Variants in UBE2H observed in about 807,000 individuals in gnomAD.
The protein encoded by UBE2H is ubiquitin-conjugating enzyme E2 H.
UBE2H carries 3 observed loss-of-function variants against 29.0 expected under a neutral mutation model. The observed-to-expected ratio is 0.10, with a 90% CI of 0.05 to 0.27. UBE2H has a LOEUF of 0.27. Ranked by LOEUF, UBE2H falls within the 10% of genes least tolerant of loss-of-function variation. The probability of loss-of-function intolerance (pLI) is 1.00; values close to 1 mark genes in which losing one functional copy is unlikely to be tolerated. For missense variants in UBE2H, 68 were observed against 228.2 expected (o/e 0.30, Z 4.52); for synonymous variants, 69 against 82.9 (o/e 0.83, Z 0.91).
intron 1 of UBE2H, among the ~76,000 whole-genome samples, chr7:129,921,472 C>T (rs916388818): frequency 1.3e-5 from 2 of 151,864 alleles, no homozygotes; most frequent in African/African-American, 2.4e-5. Context: ...CCGAGGCGGG[C>T]GGATGACTTG....
At chr7:129,893,883 GCACAGTAGTT>G (rs2116404947) in intron 1 of UBE2H, among the ~76,000 whole-genome samples, 1 of 152,228 alleles carries the variant, frequency 6.6e-6, no homozygotes, top group Non-Finnish European at 1.5e-5. Flanking sequence ...TTTGGGCCTG[GCACAGTAGTT>G]CACACCTGTA....
chr7:129,912,148 T>C (rs1806950408), intron 1 of UBE2H, among the ~76,000 whole-genome samples: 1 of 152,230 alleles, frequency 6.6e-6, no homozygotes, highest in Non-Finnish European at 1.5e-5. Flanking sequence ...AAAGTTTTAC[T>C]GGAACACGCC....
In UBE2H at chr7:129,830,759, A is replaced by T. The variant is rs539982910; in HGVS notation, c.*4178T>A. ...TGCCAAGGTATATACACGTTTATTT[A>T]AAAAAGTTTACAGTTTTCATTATAC... On this transcript the variant is annotated 3_prime_UTR_variant, in exon 7 of 7. Coordinates refer to ENST00000355621, the MANE Select transcript of UBE2H (RefSeq NM_003344.4). 6 of 151,098 alleles carry T rather than the reference A, an allele frequency of 4.0e-5. No individual in the cohort carries two copies. The highest frequency in any genetic ancestry group is 3.9e-4 in the East Asian group (2 of 5,152). 9.4% of individuals were successfully genotyped at this position (151,098 alleles called of 1,614,324 possible).
intron 4 of UBE2H, among the ~76,000 whole-genome samples, chr7:129,857,764 G>GT (rs2116316366): frequency 6.6e-6 from 1 of 152,310 alleles, no homozygotes; most frequent in Non-Finnish European, 1.5e-5. Flanking sequence ...GGGGAAAATA[G>GT]TAACTATGCA....
chr7:129,934,638 T>TAAAAAA (rs758214225), intron 1 of UBE2H, among the ~76,000 whole-genome samples: 1 of 65,850 alleles, frequency 1.5e-5, no homozygotes. Context: ...ACTCCGTCTT[T>TAAAAAA]AAAAAAAAAA....
At chr7:129,952,188 T>G (rs1382012055) in intron 1 of UBE2H, among the ~76,000 whole-genome samples, 3 of 148,324 alleles carry the variant, frequency 2.0e-5, no homozygotes, top group African/African-American at 7.5e-5. Flanking sequence ...TGGTAGAGAG[T>G]GAGGCGACTG....
chr7:129,877,507 T>C (rs1806168968), intron 3 of UBE2H, among the ~76,000 whole-genome samples: 1 of 152,194 alleles, frequency 6.6e-6, no homozygotes, highest in Non-Finnish European at 1.5e-5. Context: ...TGAAACTCTC[T>C]TATGCAACCT....
intron 1 of UBE2H, among the ~76,000 whole-genome samples, chr7:129,896,849 T>C (rs1439160216): frequency 6.6e-6 from 1 of 152,234 alleles, no homozygotes; most frequent in Non-Finnish European, 1.5e-5. Context: ...TTATGAATCA[T>C]TCACAGTAAG....
In UBE2H at chr7:129,833,861, G is replaced by A. The variant is rs1201830775; in HGVS notation, c.*1076C>T. On this transcript the variant is annotated 3_prime_UTR_variant, in exon 7 of 7. Coordinates refer to ENST00000355621, the MANE Select transcript of UBE2H (RefSeq NM_003344.4). ...AGCAGAAAAAGGGAAAACCAAACCAGAACATGAAGGCAAGTACCCAGGGCT... is the reference window on the plus strand; with the variant it reads ...AGCAGAAAAAGGGAAAACCAAACCAAAACATGAAGGCAAGTACCCAGGGCT... 4 of 152,142 alleles carry A rather than the reference G, an allele frequency of 2.6e-5. No homozygotes were observed. Among genetic ancestry groups the A allele is most frequent in the African/African-American group, 9.7e-5 (4 of 41,436 alleles). 9.4% of individuals were successfully genotyped at this position (152,142 alleles called of 1,614,324 possible). A position where few individuals can be genotyped will look rare whatever the true frequency, so the allele number is the denominator to read the frequency against.
intron 1 of UBE2H, among the ~76,000 whole-genome samples, chr7:129,915,032 C>G (rs1807016505): frequency 2.0e-5 from 3 of 152,142 alleles, no homozygotes; most frequent in Non-Finnish European, 4.4e-5. Flanking sequence ...AGAGGCTTTT[C>G]ATTAGTGTAA....
chr7:129,943,151 A>C (rs1445209799), intron 1 of UBE2H, among the ~76,000 whole-genome samples: 2 of 151,948 alleles, frequency 1.3e-5, no homozygotes, highest in African/African-American at 4.8e-5. Context: ...CCAGATTCCT[A>C]AAGTGTAATT....
At chr7:129,929,942 G>A (rs867503145) in intron 1 of UBE2H, among the ~76,000 whole-genome samples, 1 of 152,026 alleles carries the variant, frequency 6.6e-6, no homozygotes, top group Non-Finnish European at 1.5e-5. Flanking sequence ...CCCAGGAGGT[G>A]GAGGTTACAG....
chr7:129,843,516 A>T (rs1214863402), intron 5 of UBE2H, among the ~76,000 whole-genome samples: 1 of 152,160 alleles, frequency 6.6e-6, no homozygotes, highest in Non-Finnish European at 1.5e-5. Flanking sequence ...CTGTTAATGG[A>T]TAAAACACAC....
intron 1 of UBE2H, among the ~76,000 whole-genome samples, chr7:129,941,992 T>C: frequency 6.6e-6 from 1 of 151,000 alleles, no homozygotes; most frequent in East Asian, 2.0e-4. Flanking sequence ...GCCAGACCGC[T>C]TGAGCCCAGG....
intron 1 of UBE2H, among the ~76,000 whole-genome samples, chr7:129,929,056 C>T (rs943258556): frequency 1.3e-5 from 2 of 151,972 alleles, no homozygotes; most frequent in South Asian, 2.1e-4. Flanking sequence ...CGGTGGCTCA[C>T]GCCTGTAATC....
chr7:129,918,128 A>G (rs918036832), intron 1 of UBE2H, among the ~76,000 whole-genome samples: 25 of 152,200 alleles, frequency 1.6e-4, no homozygotes, highest in Non-Finnish European at 2.4e-4. Flanking sequence ...CTCCTATTAA[A>G]AAGGGACTGG....
intron 3 of UBE2H, among the ~76,000 whole-genome samples, chr7:129,869,243 C>CT (rs1023126394): frequency 2.0e-5 from 3 of 151,984 alleles, no homozygotes; most frequent in Non-Finnish European, 4.4e-5. Flanking sequence ...CGGCTTGTTT[C>CT]TTAAGCTTCT....
At position 129,850,941 on chromosome 7, in the gene UBE2H, G is replaced by A. The variant is rs187256169; in HGVS notation, c.298+6570C>T. Among the ~76,000 whole-genome samples the A allele has an allele frequency of 2.7e-4, 41 of 152,114 alleles. 1 individual carries two copies. The East Asian group carries it at 7.2e-3, about 27-fold the overall frequency. On this transcript the variant is annotated intron_variant, in intron 5 of 6. Transcript: ENST00000355621. ...GAAAAGAGAAGAGAAAAGATAGATG[G>A]ACAGATGGATGCAGGGTGCTGAAAC...
At chr7:129,893,540 A>G (rs1175004549) in intron 1 of UBE2H, among the ~76,000 whole-genome samples, 1 of 152,230 alleles carries the variant, frequency 6.6e-6, no homozygotes, top group African/African-American at 2.4e-5. Flanking sequence ...TCAGAGAGAG[A>G]AAAGTGAAGG....
Sources: allele counts gnomAD v4.1 joint callset (sites outside exome capture counted in the v4.1 genomes callset), GRCh38; gene constraint gnomAD v4.1.1; transcripts MANE v1.5; gene names NCBI Gene and HGNC (gene_info 2026-07-23, HGNC 2026-07-21).